The following IFT43 variants were observed in gnomAD, a reference collection of about 807,000 sequenced individuals.
IFT43 encodes intraflagellar transport protein 43 homolog.
Under a neutral mutation model 32.3 loss-of-function variants are expected in IFT43, and 33 were observed. The observed-to-expected ratio is 1.02, with a 90% CI of 0.77 to 1.37. IFT43 has a LOEUF of 1.37. Among genes scored for constraint, IFT43 ranks in the 40% most tolerant of loss-of-function variants. IFT43 has a pLI of 0.00. For missense variants in IFT43, 274 were observed against 265.9 expected, an observed-to-expected ratio of 1.03 and a Z score of -0.21; for synonymous variants, 93 against 98.2, an observed-to-expected ratio of 0.95 and a Z score of 0.31.
chr14:76,073,504 T>G (rs1298550984), intron 5 of IFT43, among the ~76,000 whole-genome samples: 1 of 152,140 alleles, frequency 6.6e-6, no homozygotes, highest in Non-Finnish European at 1.5e-5. Flanking sequence ...AGAGGCAAAC[T>G]TCATGGCCAA....
rs1319031092 is a variant in IFT43 at position 76,022,319 on chromosome 14, C to T, written c.148-8C>T. On this transcript the variant is annotated splice_polypyrimidine_tract_variant and splice_region_variant and intron_variant, in intron 2 of 8. Coordinates refer to ENST00000314067, the MANE Select transcript of IFT43 (RefSeq NM_001102564.3). Reference sequence around the variant, plus strand: ...GAATGTGTTCTTTTGACTTCTCTTTCCTTGTAGACTTCCTCTGCTAAATTA... The same window carrying T: ...GAATGTGTTCTTTTGACTTCTCTTTTCTTGTAGACTTCCTCTGCTAAATTA... 3.7e-6 allele frequency: 6 copies of T among 1,610,908 alleles called. No individual in the cohort carries two copies. Among genetic ancestry groups the T allele is most frequent in the Non-Finnish European group, 5.1e-6 (6 of 1,177,278 alleles).
Position 75,997,319 on chromosome 14 carries a change from G to T in IFT43, c.147+8342G>T, listed in dbSNP as rs189777283. ...AAATGGACCAAGTGTTTGAAAACCA[G>T]CCCCTTTGCCTTTTCACAAATGACC... On this transcript the variant is annotated intron_variant, in intron 2 of 8. Coordinates refer to ENST00000314067, the MANE Select transcript of IFT43 (RefSeq NM_001102564.3). 1.6e-4 allele frequency among the ~76,000 whole-genome samples: 25 copies of T among 152,268 alleles called. No individual in the cohort carries two copies. In the East Asian group the frequency reaches 3.7e-3, roughly 22 times the overall value.
At chr14:76,068,594 T>G (rs1390045018) in intron 5 of IFT43, among the ~76,000 whole-genome samples, 1 of 152,324 alleles carries the variant, frequency 6.6e-6, no homozygotes, top group African/African-American at 2.4e-5. Context: ...ATGGCAAAAC[T>G]GCTCTGTCTT....
At chr14:76,068,852 A>G (rs1012450176) in intron 5 of IFT43, among the ~76,000 whole-genome samples, 1 of 152,272 alleles carries the variant, frequency 6.6e-6, no homozygotes, top group African/African-American at 2.4e-5. Context: ...ATTGTGATGC[A>G]TGGGGCTAAG....
At chr14:76,080,739 CT>C (rs749261484) in intron 5 of IFT43, among the ~76,000 whole-genome samples, 11 of 152,136 alleles carry the variant, frequency 7.2e-5, no homozygotes, top group Non-Finnish European at 1.3e-4. Flanking sequence ...GCACAATGGA[CT>C]GTATTAATCA....
chr14:76,060,825 CCTTT>C (rs1397642644), intron 5 of IFT43, among the ~76,000 whole-genome samples: 5 of 91,110 alleles, frequency 5.5e-5, no homozygotes, highest in African/African-American at 1.1e-4. Context: ...TCCCTCCCTC[CCTTT>C]CTTCCTTCCT....
intron 5 of IFT43, chr14:76,059,645 C>G (rs947520008): frequency 1.1e-5 from 5 of 475,678 alleles, no homozygotes; most frequent in African/African-American, 9.8e-5. Context: ...CATCCCACTC[C>G]CTCTCTCACT....
chr14:76,053,150 G>T (rs1463306083), intron 3 of IFT43, among the ~76,000 whole-genome samples: 2 of 152,068 alleles, frequency 1.3e-5, no homozygotes, highest in African/African-American at 2.4e-5. Flanking sequence ...TACTGTATAG[G>T]ACATATGTGA....
intron 2 of IFT43, among the ~76,000 whole-genome samples, chr14:75,995,759 C>A (rs56032403): frequency 0.019 from 2,871 of 152,296 alleles, 93 homozygotes; most frequent in African/African-American, 0.066. Flanking sequence ...CATAGCCGCT[C>A]TCCAATCGGC....
intron 3 of IFT43, chr14:76,037,991 G>T (rs546875676): frequency 1.3e-5 from 2 of 152,276 alleles, no homozygotes; most frequent in Admixed American, 1.3e-4. Context: ...ATTTTCATTG[G>T]TAAACACAAT....
intron 3 of IFT43, among the ~76,000 whole-genome samples, chr14:76,053,995 A>G (rs771062723): frequency 2.9e-4 from 44 of 152,188 alleles, no homozygotes; most frequent in Non-Finnish European, 4.9e-4. Context: ...GGTCAAGTCC[A>G]TGTTCATTAA....
At chr14:76,057,613 G>C (rs960018973) in intron 3 of IFT43, among the ~76,000 whole-genome samples, 1 of 151,610 alleles carries the variant, frequency 6.6e-6, no homozygotes, top group Non-Finnish European at 1.5e-5. Context: ...TTTGCGTTTT[G>C]CAAGAATTGC....
At chr14:76,036,202 A>G (rs563428106) in intron 3 of IFT43, among the ~76,000 whole-genome samples, 1 of 152,216 alleles carries the variant, frequency 6.6e-6, no homozygotes, top group African/African-American at 2.4e-5. Context: ...TAATTCCTTA[A>G]TGTCATCTGA....
At chr14:75,996,853 A>G (rs1243323905) in intron 2 of IFT43, among the ~76,000 whole-genome samples, 1 of 152,230 alleles carries the variant, frequency 6.6e-6, no homozygotes, top group Non-Finnish European at 1.5e-5. Context: ...GGAAATATTC[A>G]TTCATTTATG....
downstream of IFT43, chr14:76,083,813 G>A: frequency 1.5e-6 from 1 of 663,226 alleles, no homozygotes; most frequent in Non-Finnish European, 2.8e-6. Context: ...TTTTAAACCA[G>A]CTGATAGGAA....
At chr14:76,044,929 T>C (rs1396299685) in intron 3 of IFT43, among the ~76,000 whole-genome samples, 6 of 152,220 alleles carry the variant, frequency 3.9e-5, no homozygotes, top group African/African-American at 1.4e-4. Flanking sequence ...TCCTCTAGCT[T>C]ACTTTATTGT....
chr14:76,050,513 G>C (rs1348027331), intron 3 of IFT43, among the ~76,000 whole-genome samples: 3 of 152,046 alleles, frequency 2.0e-5, no homozygotes, highest in Non-Finnish European at 2.9e-5. Flanking sequence ...TTTGAGATGA[G>C]GTCTCGCTGT....
At chr14:76,073,816 C>T (rs748697703) in intron 5 of IFT43, among the ~76,000 whole-genome samples, 6 of 152,182 alleles carry the variant, frequency 3.9e-5, no homozygotes, top group African/African-American at 9.6e-5. Context: ...GAAAGAGCCC[C>T]GCCGCCCTTG....
chr14:76,025,831 A>G (rs2036381652), intron 3 of IFT43, among the ~76,000 whole-genome samples: 1 of 152,330 alleles, frequency 6.6e-6, no homozygotes, highest in African/African-American at 2.4e-5. Flanking sequence ...TGTAAAACCC[A>G]AAAATATAAA....
Sources: allele counts gnomAD v4.1 joint callset (sites outside exome capture counted in the v4.1 genomes callset), GRCh38; gene constraint gnomAD v4.1.1; transcripts MANE v1.5; gene names NCBI Gene and HGNC (gene_info 2026-07-23, HGNC 2026-07-21).